FRMPD4: variants seen among roughly 807,000 people sequenced by gnomAD.
FRMPD4 encodes FERM and PDZ domain containing 4.
In FRMPD4, 22 loss-of-function variants were observed where a neutral mutation model predicts 94.1. That is an observed-to-expected ratio of 0.23 (90% CI 0.17 to 0.33). FRMPD4 has a LOEUF of 0.33. Ranked by LOEUF, FRMPD4 falls within the 10% of genes least tolerant of loss-of-function variation. FRMPD4 has a pLI of 1.00. For missense variants in FRMPD4, 1,111 were observed against 1,339.9 expected (o/e 0.83, Z 2.67); for synonymous variants, 631 against 548.6 (o/e 1.15, Z -2.10).
intron 1 of FRMPD4, among the ~76,000 whole-genome samples, chrX:12,165,903 A>C (rs1262563476): frequency 8.1e-5 from 9 of 111,411 alleles, no homozygotes; most frequent in Non-Finnish European, 1.5e-4. Flanking sequence ...TTGATTTTGT[A>C]TCCTGAGACT....
chrX:12,721,962 TTTG>T lies in FRMPD4; in HGVS notation c.*107_*109del, dbSNP rs1490165849. 1.4e-5 allele frequency: 4 copies of T among 286,080 alleles called. No homozygotes were observed. Among genetic ancestry groups the T allele is most frequent in the Admixed American group, 1.9e-4 (2 of 10,803 alleles). The allele number at this position is 286,080 out of a possible 1,213,427, so 23.6% of individuals were successfully genotyped here. A position where few individuals can be genotyped will look rare whatever the true frequency, so the allele number is the denominator to read the frequency against. Reference sequence around the variant, plus strand: ...TGTCTCCTTTCTTCTCTCTGTATATTTTGTTATTTTATATAAAATAGGAGATAA... The same window carrying T: ...TGTCTCCTTTCTTCTCTCTGTATATTTTATTTTATATAAAATAGGAGATAA... On this transcript the variant is annotated 3_prime_UTR_variant, in exon 17 of 17. Coordinates refer to ENST00000675598, the MANE Select transcript of FRMPD4 (RefSeq NM_001368397.1).
intron 2 of FRMPD4, among the ~76,000 whole-genome samples, chrX:12,581,219 C>G (rs2058861277): frequency 8.9e-6 from 1 of 112,367 alleles, no homozygotes; most frequent in South Asian, 3.7e-4. Flanking sequence ...CTGAAACAGT[C>G]TCCACAATAT....
chrX:12,301,710 T>C (rs1404508791), intron 1 of FRMPD4, among the ~76,000 whole-genome samples: 1 of 112,466 alleles, frequency 8.9e-6, no homozygotes, highest in Non-Finnish European at 1.9e-5. Flanking sequence ...TGGCTAAAAG[T>C]GATGACCATA....
chrX:12,618,278 G>A (rs748719637), intron 4 of FRMPD4, among the ~76,000 whole-genome samples: 17 of 111,450 alleles, frequency 1.5e-4, no homozygotes, highest in African/African-American at 4.9e-4. Context: ...CCACTCCCAC[G>A]GCTAGCCAGC....
At chrX:12,266,160 A>AAAAAAAAAAAAAAAG (rs1569211566) in intron 1 of FRMPD4, among the ~76,000 whole-genome samples, 1 of 103,779 alleles carries the variant, frequency 9.6e-6, no homozygotes, top group African/African-American at 3.8e-5. Flanking sequence ...AAAAAAAAAA[A>AAAAAAAAAAAAAAAG]AGAGAAAACA....
chrX:12,280,891 G>T (rs2054514561), intron 1 of FRMPD4, among the ~76,000 whole-genome samples: 1 of 111,477 alleles, frequency 9.0e-6, no homozygotes, highest in African/African-American at 3.3e-5. Flanking sequence ...TATCTCTGTT[G>T]GTGCATCCAT....
intron 1 of FRMPD4, among the ~76,000 whole-genome samples, chrX:12,145,256 G>A (rs746924966): frequency 8.9e-6 from 1 of 112,393 alleles, no homozygotes; most frequent in Non-Finnish European, 1.9e-5. Flanking sequence ...AGAGACTGGT[G>A]TGGGGGAGAA....
At chrX:12,242,970 C>T (rs987558095) in intron 1 of FRMPD4, among the ~76,000 whole-genome samples, 2 of 112,612 alleles carry the variant, frequency 1.8e-5, no homozygotes, top group South Asian at 3.7e-4. Flanking sequence ...GACTCCTGGG[C>T]TCAAGCAATC....
chrX:12,465,620 C>G (rs370755087), intron 1 of FRMPD4, among the ~76,000 whole-genome samples: 1 of 111,936 alleles, frequency 8.9e-6, no homozygotes, highest in South Asian at 3.8e-4. Context: ...TTCATAAATT[C>G]ACTGGAATTG....
chrX:11,882,264 A>G (rs2053818190), intron 3 of FRMPD4, among the ~76,000 whole-genome samples: 1 of 110,517 alleles, frequency 9.0e-6, no homozygotes, highest in Non-Finnish European at 1.9e-5. Context: ...TCAGGGGAGG[A>G]GGAGGACATT....
In FRMPD4 at chrX:12,197,566, TC is replaced by T. The variant is rs769322583; in HGVS notation, c.41+58555del. 9.5e-4 allele frequency among the ~76,000 whole-genome samples: 106 copies of T among 111,602 alleles called. 10 individuals are homozygous for T. The East Asian group carries it at 0.014, about 15-fold the overall frequency. ...AAGTTTGAACGTGGATGATGGCACTTCTAGTTTCTCTCAAAGACCTTGTAAT... is the reference window on the plus strand; with the variant it reads ...AAGTTTGAACGTGGATGATGGCACTTTAGTTTCTCTCAAAGACCTTGTAAT... On this transcript the variant is annotated intron_variant, in intron 1 of 16. Transcript: ENST00000675598.
At chrX:12,250,348 A>G (rs1381719179) in intron 1 of FRMPD4, among the ~76,000 whole-genome samples, 1 of 111,615 alleles carries the variant, frequency 9.0e-6, no homozygotes, top group Non-Finnish European at 1.9e-5. Flanking sequence ...GTAATTTGAC[A>G]ATGATTATTT....
chrX:12,342,043 C>G (rs72612880), intron 1 of FRMPD4, among the ~76,000 whole-genome samples: 7 of 111,847 alleles, frequency 6.3e-5, no homozygotes, highest in Non-Finnish European at 1.3e-4. Flanking sequence ...TAGAAGAGAT[C>G]GGATTTGTGA....
intron 3 of FRMPD4, among the ~76,000 whole-genome samples, chrX:12,110,313 A>G (rs1253374506): frequency 8.9e-6 from 1 of 112,579 alleles, no homozygotes; most frequent in Non-Finnish European, 1.9e-5. Flanking sequence ...AACCAAAGAC[A>G]AAAACCACAT....
chrX:12,164,825 T>C (rs1403992528), intron 1 of FRMPD4, among the ~76,000 whole-genome samples: 42 of 112,781 alleles, frequency 3.7e-4, no homozygotes, highest in Non-Finnish European at 6.4e-4. Context: ...TTTCATGTGT[T>C]TTTTGGCTGC....
chrX:12,110,730 T>C (rs1381359690), intron 3 of FRMPD4, among the ~76,000 whole-genome samples: 1 of 111,721 alleles, frequency 9.0e-6, no homozygotes, highest in Non-Finnish European at 1.9e-5. Context: ...AGTCTCAGGA[T>C]ACAAAATCAT....
chrX:11,955,747 GAA>G (rs57734182), intron 3 of FRMPD4, among the ~76,000 whole-genome samples: 22 of 49,760 alleles, frequency 4.4e-4, no homozygotes, highest in African/African-American at 1.2e-3. Context: ...GTCTCAAAAA[GAA>G]AAAAAAAAAA....
chrX:12,333,728 A>G (rs1297423889), intron 1 of FRMPD4, among the ~76,000 whole-genome samples: 2 of 111,718 alleles, frequency 1.8e-5, no homozygotes, highest in African/African-American at 6.5e-5. Context: ...CCAACCAACC[A>G]GTTTGTTTAG....
chrX:12,072,659 C>A (rs754425224), intron 3 of FRMPD4, among the ~76,000 whole-genome samples: 5 of 111,465 alleles, frequency 4.5e-5, no homozygotes, highest in Non-Finnish European at 9.4e-5. Flanking sequence ...GACTTAATAG[C>A]TTATTGGAGT....
Sources: gnomAD v4.1 joint callset for allele counts (sites outside exome capture counted in the v4.1 genomes callset) on GRCh38, gnomAD v4.1.1 for gene constraint, MANE v1.5 for transcripts, NCBI Gene and HGNC (gene_info 2026-07-23, HGNC 2026-07-21) for gene names.